Variants in DIAPH2 observed in about 807,000 individuals in gnomAD.
DIAPH2 encodes diaphanous related formin 2, also known as protein diaphanous homolog 2.
Under a neutral mutation model 92.7 loss-of-function variants are expected in DIAPH2, and 35 were observed. The observed-to-expected ratio is 0.38, with a 90% CI of 0.29 to 0.50. The LOEUF is 0.50. DIAPH2 is among the 20% of genes least tolerant of loss of function. The pLI, the probability that DIAPH2 is intolerant of heterozygous loss-of-function variation, is 0.94. For synonymous variants in DIAPH2, 301 were observed against 280.4 expected (o/e 1.07, Z -0.73); for missense variants, 701 against 819.5 (o/e 0.86, Z 1.77).
chrX:97,149,730 CAAAA>C (rs55853481), intron 22 of DIAPH2, among the ~76,000 whole-genome samples: 75 of 31,115 alleles, frequency 2.4e-3, no homozygotes, highest in Admixed American at 5.4e-3. Context: ...GACTCCATCT[CAAAA>C]AAAAAAAAAA....
chrX:97,361,275 G>C (rs948687627), intron 24 of DIAPH2, among the ~76,000 whole-genome samples: 3 of 110,695 alleles, frequency 2.7e-5, no homozygotes, highest in Admixed American at 9.7e-5. Context: ...TATTCAAATA[G>C]ATAGACTTGT....
chrX:97,440,355 G>T (rs373541250), intron 26 of DIAPH2, among the ~76,000 whole-genome samples: 7 of 111,165 alleles, frequency 6.3e-5, no homozygotes, highest in African/African-American at 2.3e-4. Flanking sequence ...ACTTTGGGAG[G>T]CCAAGGCAGG....
chrX:96,845,218 A>G (rs919622433), intron 4 of DIAPH2, among the ~76,000 whole-genome samples: 1 of 112,015 alleles, frequency 8.9e-6, no homozygotes, highest in Admixed American at 9.5e-5. Flanking sequence ...GCTGTCTGAC[A>G]TCATTTTTCC....
At chrX:97,129,414 C>G (rs1292403745) in intron 21 of DIAPH2, among the ~76,000 whole-genome samples, 2 of 110,203 alleles carry the variant, frequency 1.8e-5, no homozygotes, top group Non-Finnish European at 3.8e-5. Context: ...ATCCACCCAC[C>G]TCGGCCTCCC....
At chrX:97,062,217 G>T (rs1005510949) in intron 17 of DIAPH2, among the ~76,000 whole-genome samples, 21 of 111,818 alleles carry the variant, frequency 1.9e-4, no homozygotes, top group Non-Finnish European at 2.4e-4. Context: ...GGTTGACCAA[G>T]TATTGCCTTC....
chrX:97,191,825 C>T (rs1003870384), intron 22 of DIAPH2, among the ~76,000 whole-genome samples: 1 of 111,103 alleles, frequency 9.0e-6, no homozygotes, highest in Non-Finnish European at 1.9e-5. Context: ...GCAGCATGAG[C>T]TTTGCTGCCC....
chrX:97,505,444 T>C (rs1205856774), intron 26 of DIAPH2, among the ~76,000 whole-genome samples: 1 of 112,189 alleles, frequency 8.9e-6, no homozygotes, highest in Non-Finnish European at 1.9e-5. Context: ...TGCAGATTAG[T>C]ACTAGATTTA....
chrX:96,962,342 T>C (rs1193886306), intron 16 of DIAPH2, among the ~76,000 whole-genome samples: 6 of 70,163 alleles, frequency 8.6e-5, no homozygotes, highest in African/African-American at 2.9e-4. Flanking sequence ...TATATACATA[T>C]ATATATATAC....
intron 25 of DIAPH2, among the ~76,000 whole-genome samples, chrX:97,423,307 T>C (rs142568643): frequency 0.011 from 1,199 of 111,709 alleles, 15 homozygotes; most frequent in African/African-American, 0.037. Flanking sequence ...AGGCCATCAG[T>C]GCCTCTGTTC....
chrX:97,235,480 T>C (rs1357486883), intron 22 of DIAPH2, among the ~76,000 whole-genome samples: 3 of 109,107 alleles, frequency 2.7e-5, no homozygotes, highest in Non-Finnish European at 5.7e-5. Context: ...GGCACATGCC[T>C]GTAATCCCAG....
At chrX:97,176,815 C>T (rs1422316078) in intron 22 of DIAPH2, among the ~76,000 whole-genome samples, 2 of 111,685 alleles carry the variant, frequency 1.8e-5, no homozygotes, top group Admixed American at 1.9e-4. Flanking sequence ...GCGTGAGCCA[C>T]CGCGCCTGGC....
intron 26 of DIAPH2, among the ~76,000 whole-genome samples, chrX:97,508,128 T>A (rs1441596161): frequency 1.8e-5 from 2 of 111,500 alleles, no homozygotes; most frequent in Admixed American, 1.9e-4. Context: ...TACTGTCCTT[T>A]ATCTTTTAAA....
At chrX:96,962,450 C>CACATATATATACATATATAT (rs2065866498) in intron 16 of DIAPH2, among the ~76,000 whole-genome samples, 1 of 57,099 alleles carries the variant, frequency 1.8e-5, no homozygotes, top group African/African-American at 8.9e-5. Context: ...TACATATATA[C>CACATATATATACATATATAT]ACACACATAT....
At chrX:97,353,300 C>T (rs187720660) in intron 24 of DIAPH2, among the ~76,000 whole-genome samples, 2 of 110,701 alleles carry the variant, frequency 1.8e-5, no homozygotes, top group East Asian at 5.6e-4. Context: ...TATTCAAAAT[C>T]GGTGAACCGT....
intron 5 of DIAPH2, among the ~76,000 whole-genome samples, chrX:96,909,569 G>A (rs1229816707): frequency 1.8e-5 from 2 of 110,713 alleles, no homozygotes; most frequent in East Asian, 2.8e-4. Context: ...GTCATCGTTC[G>A]TAATTATTTT....
chrX:96,751,933 G>A (rs1602478517), intron 3 of DIAPH2, among the ~76,000 whole-genome samples: 2 of 98,776 alleles, frequency 2.0e-5, no homozygotes, highest in Admixed American at 1.1e-4. Context: ...TATTACAGGC[G>A]TGAGCCACCG....
intron 4 of DIAPH2, among the ~76,000 whole-genome samples, chrX:96,810,742 G>A (rs1417860793): frequency 6.3e-5 from 7 of 111,594 alleles, no homozygotes; most frequent in African/African-American, 9.8e-5. Context: ...CATATGGCTA[G>A]CCAGTTTTCC....
In DIAPH2 at chrX:97,334,025, T is replaced by G. The variant is rs942782010; in HGVS notation, c.2845-14091T>G. On this transcript the variant is annotated intron_variant, in intron 23 of 26. Transcript: ENST00000324765. Reference sequence around the variant, plus strand: ...GGTAAGGTCATGTTACTCCTCTGATTAAAAATATTGATAACTCATCACCTG... The same window carrying G: ...GGTAAGGTCATGTTACTCCTCTGATGAAAAATATTGATAACTCATCACCTG... Among the ~76,000 whole-genome samples the G allele has an allele frequency of 3.6e-5, 4 of 111,465 alleles. No homozygotes were observed. In the East Asian group the frequency reaches 1.1e-3, roughly 31 times the overall value.
chrX:96,868,069 C>T (rs1329280987), intron 4 of DIAPH2, among the ~76,000 whole-genome samples: 2 of 112,027 alleles, frequency 1.8e-5, no homozygotes, highest in East Asian at 5.6e-4. Context: ...CTTTTGGGTT[C>T]TCTGTGCCTA....
Sources: allele counts gnomAD v4.1 joint callset (sites outside exome capture counted in the v4.1 genomes callset), GRCh38; gene constraint gnomAD v4.1.1; transcripts MANE v1.5; gene names NCBI Gene and HGNC (gene_info 2026-07-23, HGNC 2026-07-21).